Variants in LSAMP observed in about 807,000 individuals in gnomAD.
LSAMP encodes the protein limbic system associated membrane protein, also known as limbic system-associated membrane protein.
In LSAMP, 7 loss-of-function variants were observed where a neutral mutation model predicts 38.6. That is an observed-to-expected ratio of 0.18 (90% confidence interval 0.10 to 0.34). The LOEUF is 0.34. LSAMP is among the 10% of genes least tolerant of loss of function. LSAMP has a pLI of 1.00. For synonymous variants in LSAMP, 154 were observed against 166.8 expected, an observed-to-expected ratio of 0.92 and a Z score of 0.59; for missense variants, 313 against 420.0, an observed-to-expected ratio of 0.75 and a Z score of 2.23.
chr3:116,349,088 A>C (rs2048102898), intron 1 of LSAMP, among the ~76,000 whole-genome samples: 1 of 152,098 alleles, frequency 6.6e-6, no homozygotes, highest in South Asian at 2.1e-4. Flanking sequence ...ATCTATATCT[A>C]ATGAATAGGA....
chr3:116,312,209 AC>A (rs1158461285), intron 1 of LSAMP, among the ~76,000 whole-genome samples: 4 of 152,162 alleles, frequency 2.6e-5, no homozygotes, highest in Non-Finnish European at 5.9e-5. Context: ...CAACAAATAA[AC>A]TAACAAATAA....
intron 3 of LSAMP, among the ~76,000 whole-genome samples, chr3:115,858,848 C>A (rs1248851798): frequency 1.3e-5 from 2 of 152,124 alleles, no homozygotes; most frequent in East Asian, 3.9e-4. Context: ...TCAGTGATGC[C>A]ATTTGAAGTT....
chr3:116,161,889 A>G (rs1477935884), intron 1 of LSAMP, among the ~76,000 whole-genome samples: 1 of 152,084 alleles, frequency 6.6e-6, no homozygotes, highest in Non-Finnish European at 1.5e-5. Context: ...AAACGCAGAG[A>G]CAAAAACACA....
rs36091421 is a variant in LSAMP, at chr3:116,072,752, G to GTTTTT, written c.388+13567_388+13571dup. ...TTACTTTTTGAAGGGGTTGTTTGTG[G>GTTTTT]TTTTTTTTTTTTTTTTTTGTAAAAT... On this transcript the variant is annotated intron_variant, in intron 2 of 6. Transcript: ENST00000490035. Among the ~76,000 whole-genome samples the GTTTTT allele has an allele frequency of 1.4e-3, 158 of 112,338 alleles. 1 individual carries two copies. The highest frequency in any genetic ancestry group is 4.7e-3 in the African/African-American group (142 of 29,930). 73.7% of individuals were successfully genotyped at this position (112,338 alleles called of 152,430 possible). A position where few individuals can be genotyped will look rare whatever the true frequency, so the allele number is the denominator to read the frequency against.
chr3:115,969,342 G>T (rs1056582266), intron 3 of LSAMP, among the ~76,000 whole-genome samples: 1 of 152,194 alleles, frequency 6.6e-6, no homozygotes, highest in Non-Finnish European at 1.5e-5. Flanking sequence ...AAAAGAGTAG[G>T]CAGGGCAGAG....
At chr3:116,419,693 C>T (rs1490252956) in intron 1 of LSAMP, among the ~76,000 whole-genome samples, 4 of 152,024 alleles carry the variant, frequency 2.6e-5, no homozygotes, top group Non-Finnish European at 5.9e-5. Context: ...TCTGTAAATT[C>T]GCAGGGAAAA....
At chr3:116,331,480 A>G (rs1220588811) in intron 1 of LSAMP, among the ~76,000 whole-genome samples, 1 of 152,208 alleles carries the variant, frequency 6.6e-6, no homozygotes, top group African/African-American at 2.4e-5. Context: ...GACAAAGATA[A>G]TTTGAAAGCA....
chr3:116,317,927 G>C (rs556209478), intron 1 of LSAMP, among the ~76,000 whole-genome samples: 56 of 151,666 alleles, frequency 3.7e-4, no homozygotes, highest in African/African-American at 1.3e-3. Context: ...CTTGAGGTCA[G>C]GAGTTCGAGA....
At chr3:115,939,585 T>TTTCTTTCTTTCTTTC (rs58450242) in intron 3 of LSAMP, among the ~76,000 whole-genome samples, 7 of 150,198 alleles carry the variant, frequency 4.7e-5, no homozygotes, top group South Asian at 4.3e-4. Flanking sequence ...TCTTTCTTTC[T>TTTCTTTCTTTCTTTC]GTTAAGAGAC....
chr3:116,155,587 T>A (rs1309890698), intron 1 of LSAMP, among the ~76,000 whole-genome samples: 1 of 152,020 alleles, frequency 6.6e-6, no homozygotes, highest in Non-Finnish European at 1.5e-5. Flanking sequence ...TTATCACAAG[T>A]ACTTGATAAG....
At chr3:115,921,944 T>C (rs898953309) in intron 3 of LSAMP, among the ~76,000 whole-genome samples, 3 of 152,214 alleles carry the variant, frequency 2.0e-5, no homozygotes, top group Admixed American at 1.3e-4. Flanking sequence ...CTCCCTTGTA[T>C]GTGATATATT....
chr3:115,977,515 T>C (rs1381209747), intron 3 of LSAMP, among the ~76,000 whole-genome samples: 1 of 152,212 alleles, frequency 6.6e-6, no homozygotes, highest in Non-Finnish European at 1.5e-5. Context: ...GTGTTTACTT[T>C]ACACCTTCCC....
At chr3:116,011,006 G>T (rs1576305152) in intron 3 of LSAMP, among the ~76,000 whole-genome samples, 2 of 148,486 alleles carry the variant, frequency 1.3e-5, no homozygotes, top group African/African-American at 2.6e-5. Context: ...ATAAGGCATA[G>T]TTTATGCTTT....
chr3:116,175,290 A>G (rs1158844820), intron 1 of LSAMP, among the ~76,000 whole-genome samples: 1 of 152,088 alleles, frequency 6.6e-6, no homozygotes, highest in Non-Finnish European at 1.5e-5. Context: ...GACATATAAT[A>G]GTTGTACATA....
chr3:116,209,860 T>C (rs1376175884), intron 1 of LSAMP, among the ~76,000 whole-genome samples: 1 of 152,196 alleles, frequency 6.6e-6, no homozygotes, highest in African/African-American at 2.4e-5. Context: ...GACGCCGTTC[T>C]CCTGCCTTAG....
intron 1 of LSAMP, among the ~76,000 whole-genome samples, chr3:116,423,490 G>A (rs1012066559): frequency 6.6e-6 from 1 of 152,116 alleles, no homozygotes; most frequent in Non-Finnish European, 1.5e-5. Context: ...CATTCCTCTG[G>A]GGGATAGAGA....
intron 1 of LSAMP, among the ~76,000 whole-genome samples, chr3:116,327,811 A>G (rs899383287): frequency 6.6e-6 from 1 of 152,178 alleles, no homozygotes; most frequent in Admixed American, 6.5e-5. Context: ...ATGAATCTTG[A>G]AAAAATTTTA....
chr3:115,919,363 G>C (rs910125588), intron 3 of LSAMP, among the ~76,000 whole-genome samples: 11 of 152,260 alleles, frequency 7.2e-5, no homozygotes, highest in African/African-American at 2.4e-4. Context: ...TTCTCAACTA[G>C]TTAAAGCAGC....
Position 116,442,969 on chromosome 3 carries a change from TCTAA to T in LSAMP, c.155+1904_155+1907del, listed in dbSNP as rs569833612. Among the ~76,000 whole-genome samples, 73 of 152,370 alleles carry T rather than the reference TCTAA, an allele frequency of 4.8e-4. 1 individual carries two copies. Among genetic ancestry groups the T allele is most frequent in the Middle Eastern group, 6.8e-3 (2 of 294 alleles). ...TTCTGAATTAACATTTCTATACTTA[TCTAA>T]CTCTTAGACAACTGTAGTTTAAGGT... On this transcript the variant is annotated intron_variant, in intron 1 of 6. Coordinates refer to ENST00000490035, the MANE Select transcript of LSAMP (RefSeq NM_002338.5).
Sources: allele counts gnomAD v4.1 joint callset (sites outside exome capture counted in the v4.1 genomes callset), GRCh38; gene constraint gnomAD v4.1.1; transcripts MANE v1.5; gene names NCBI Gene and HGNC (gene_info 2026-07-23, HGNC 2026-07-21).